CSNK1G1: variants seen among roughly 807,000 people sequenced by gnomAD.
CSNK1G1 encodes the protein casein kinase I isoform gamma-1.
In CSNK1G1, 22 loss-of-function variants were observed where a neutral mutation model predicts 59.6. That is an observed-to-expected ratio of 0.37 (90% CI 0.26 to 0.53). The LOEUF (loss-of-function observed/expected upper bound fraction) is 0.53. Among genes scored for constraint, CSNK1G1 ranks in the 20% least tolerant of loss-of-function variants. The pLI is 0.89. For missense variants in CSNK1G1, 384 were observed against 519.5 expected, an observed-to-expected ratio of 0.74 and a Z score of 2.54; for synonymous variants, 179 against 177.1, an observed-to-expected ratio of 1.01 and a Z score of -0.08.
At position 64,235,254 on chromosome 15, in the gene CSNK1G1, A is replaced by C. The variant is rs149888462; in HGVS notation, c.292+16258T>G. On this transcript the variant is annotated intron_variant, in intron 4 of 11. Coordinates refer to ENST00000303052, the MANE Select transcript of CSNK1G1 (RefSeq NM_022048.5). ...TAAATCTTCCTTTTGAGTTTAAGCT[A>C]ATTTAAATAGATGCTGTTATTTGCA... 3.5e-4 allele frequency among the ~76,000 whole-genome samples: 53 copies of C among 152,318 alleles called. No homozygotes were observed. The East Asian group carries it at 9.2e-3, about 27-fold the overall frequency.
chr15:64,347,596 A>AAAAAG (rs1167291524), intron 1 of CSNK1G1, among the ~76,000 whole-genome samples: 1 of 150,998 alleles, frequency 6.6e-6, no homozygotes, highest in African/African-American at 2.4e-5. Context: ...AAAAAAAAAA[A>AAAAAG]AAAGAAAGAA....
In CSNK1G1 at chr15:64,168,127, G is replaced by C. The variant is rs531280157; in HGVS notation, c.*3804C>G. 6.6e-6 allele frequency: 1 copy of C among 152,664 alleles called. No individual in the cohort carries two copies. Among genetic ancestry groups the C allele is most frequent in the Non-Finnish European group, 1.5e-5 (1 of 68,044 alleles). 9.5% of individuals were successfully genotyped at this position (152,664 alleles called of 1,614,324 possible). A position where few individuals can be genotyped will look rare whatever the true frequency, so the allele number is the denominator to read the frequency against. ...GTACTTGGAGTTCATTTAGAAAAAAGAGACAATCAACATGTCTAGAAACCT... is the reference window on the plus strand; with the variant it reads ...GTACTTGGAGTTCATTTAGAAAAAACAGACAATCAACATGTCTAGAAACCT... On this transcript the variant is annotated 3_prime_UTR_variant, in exon 12 of 12. Transcript: ENST00000303052.
chr15:64,286,332 ATGTT>A (rs1333855234), intron 2 of CSNK1G1, among the ~76,000 whole-genome samples: 34 of 152,002 alleles, frequency 2.2e-4, no homozygotes, highest in African/African-American at 8.0e-4. Flanking sequence ...TATTGTTAAC[ATGTT>A]ATTGTTAACA....
intron 4 of CSNK1G1, among the ~76,000 whole-genome samples, chr15:64,242,627 T>C (rs77796009): frequency 0.02 from 3,109 of 152,344 alleles, 42 homozygotes; most frequent in South Asian, 0.036. Flanking sequence ...AATGGCCTAA[T>C]ACGGCTTCAC....
chr15:64,219,267 G>C (rs988814582), intron 4 of CSNK1G1, among the ~76,000 whole-genome samples: 1 of 152,194 alleles, frequency 6.6e-6, no homozygotes, highest in African/African-American at 2.4e-5. Context: ...ATCCAAAGCA[G>C]AACACTCTGT....
At chr15:64,192,646 G>T (rs980892366) in intron 10 of CSNK1G1, among the ~76,000 whole-genome samples, 4 of 151,524 alleles carry the variant, frequency 2.6e-5, no homozygotes, top group African/African-American at 9.7e-5. Context: ...ATCACCTAAG[G>T]TCAGGAATTC....
intron 1 of CSNK1G1, among the ~76,000 whole-genome samples, chr15:64,301,160 T>C (rs991035962): frequency 1.3e-5 from 2 of 152,136 alleles, no homozygotes; most frequent in African/African-American, 4.8e-5. Flanking sequence ...TATCCAAGCA[T>C]TTACCAAGCA....
intron 1 of CSNK1G1, among the ~76,000 whole-genome samples, chr15:64,354,603 T>C (rs879500767): frequency 6.6e-6 from 1 of 152,216 alleles, no homozygotes; most frequent in Non-Finnish European, 1.5e-5. Flanking sequence ...AGTCCTATTG[T>C]ATGCATTTTT....
intron 1 of CSNK1G1, among the ~76,000 whole-genome samples, chr15:64,346,079 C>A (rs1308931053): frequency 2.7e-5 from 4 of 150,012 alleles, no homozygotes; most frequent in Admixed American, 2.7e-4. Flanking sequence ...CTGCACCCGG[C>A]AGAAAAAATT....
At chr15:64,247,631 C>G (rs1891828167) in intron 4 of CSNK1G1, among the ~76,000 whole-genome samples, 1 of 152,130 alleles carries the variant, frequency 6.6e-6, no homozygotes, top group Non-Finnish European at 1.5e-5. Context: ...CCAACCAGAA[C>G]CACATTCACA....
intron 10 of CSNK1G1, among the ~76,000 whole-genome samples, chr15:64,194,462 A>AG (rs2082012472): frequency 6.6e-6 from 1 of 151,712 alleles, no homozygotes; most frequent in Non-Finnish European, 1.5e-5. Flanking sequence ...GTCACTAAGC[A>AG]TAACAGCACA....
At chr15:64,351,771 C>G (rs183920978) in intron 1 of CSNK1G1, among the ~76,000 whole-genome samples, 1 of 151,956 alleles carries the variant, frequency 6.6e-6, no homozygotes, top group African/African-American at 2.4e-5. Context: ...CCCAGCTAAT[C>G]GGGAGACTGA....
intron 11 of CSNK1G1, among the ~76,000 whole-genome samples, chr15:64,174,148 T>A (rs1283184341): frequency 6.6e-6 from 1 of 152,190 alleles, no homozygotes; most frequent in Non-Finnish European, 1.5e-5. Flanking sequence ...ATAAAAAAAG[T>A]TTACAATACT....
Position 64,214,121 on chromosome 15 carries a change from A to C in CSNK1G1, c.448T>G (p.Ser150Ala). 6.2e-7 allele frequency: 1 copy of C among 1,605,348 alleles called. No individual in the cohort carries two copies. Among genetic ancestry groups the C allele is most frequent in the Non-Finnish European group, 8.5e-7 (1 of 1,172,046 alleles). The change falls in exon 6 of 12, where the codon TCT becomes GCT. Residue 150 changes from serine (S) to alanine (A), a missense_variant. Coordinates refer to ENST00000303052, the MANE Select transcript of CSNK1G1 (RefSeq NM_022048.5). The surrounding 1 kb of genome is among the most constrained non-coding windows in gnomAD (Gnocchi z 4.3). ...TTTGAGTGCACGTATTCCATTCGAG[A>C]AAGCTGAAAGAGAAACAAATGATAG... The part of the protein sequence containing the change: ...TVLMIAIQLL[S>A]RMEYVHSKNL...
At chr15:64,308,699 A>G (rs868582794) in intron 1 of CSNK1G1, among the ~76,000 whole-genome samples, 22 of 152,044 alleles carry the variant, frequency 1.4e-4, no homozygotes, top group Non-Finnish European at 5.9e-5. Context: ...GATCGAGACC[A>G]TCCTGGCTAA....
chr15:64,271,035 T>C (rs533043975), intron 2 of CSNK1G1, among the ~76,000 whole-genome samples: 100 of 152,078 alleles, frequency 6.6e-4, no homozygotes, highest in Non-Finnish European at 1.1e-3. Context: ...CAGGTTGGAG[T>C]GTAGCAGCAC....
At chr15:64,264,754 A>C (rs907033041) in intron 2 of CSNK1G1, among the ~76,000 whole-genome samples, 1 of 152,276 alleles carries the variant, frequency 6.6e-6, no homozygotes, top group African/African-American at 2.4e-5. Context: ...TCACATGAAC[A>C]GAATGAAAGA....
At chr15:64,180,555 G>A in intron 10 of CSNK1G1, 101 bp from the exon 11 acceptor site, 1 of 883,498 alleles carries the variant, frequency 1.1e-6, no homozygotes. Context: ...TGGAATGTTT[G>A]TTTTCCTGGG....
rs898334576 is a variant in CSNK1G1, at chr15:64,332,744, A to AC, written c.-225+23243_-225+23244insG. Among the ~76,000 whole-genome samples the AC allele has an allele frequency of 1.4e-4, 21 of 151,852 alleles. 1 individual carries two copies. Among genetic ancestry groups the AC allele is most frequent in the Admixed American group, 2.6e-4 (4 of 15,278 alleles). ...AATTTAAAAAAAAACAAAAACAAAA[A>AC]AAAAGTAGTTGAAAAATAATTTAAA... On this transcript the variant is annotated intron_variant, in intron 1 of 11. Coordinates refer to ENST00000303052, the MANE Select transcript of CSNK1G1 (RefSeq NM_022048.5).
Sources: gnomAD v4.1 joint callset for allele counts (sites outside exome capture counted in the v4.1 genomes callset) on GRCh38, gnomAD v4.1.1 for gene constraint, Gnocchi (gnomAD v3.1) non-coding constraint, MANE v1.5 for transcripts, NCBI Gene and HGNC (gene_info 2026-07-23, HGNC 2026-07-21) for gene names.